KCNMA1: variants seen among roughly 807,000 people sequenced by gnomAD.
KCNMA1 encodes Calcium-activated potassium channel subunit alpha-1.
Under a neutral mutation model 140.0 loss-of-function variants are expected in KCNMA1, and 29 were observed. The ratio of observed to expected loss-of-function variants is 0.21; its 90% CI spans 0.15 to 0.28. KCNMA1 has a LOEUF of 0.28. Ranked by LOEUF, KCNMA1 falls within the 10% of genes least tolerant of loss-of-function variation. KCNMA1 has a pLI of 1.00. For missense variants in KCNMA1, 880 were observed against 1,602.2 expected (o/e 0.55, Z 7.70); for synonymous variants, 612 against 611.9 (o/e 1.00, Z 0.00).
intron 2 of KCNMA1, among the ~76,000 whole-genome samples, chr10:77,275,412 T>C (rs144082721): frequency 8.5e-5 from 13 of 152,272 alleles, no homozygotes; most frequent in Admixed American, 2.6e-4. Flanking sequence ...TCATTGAATG[T>C]TACTTTGAGA....
intron 1 of KCNMA1, among the ~76,000 whole-genome samples, chr10:77,630,219 C>T (rs538038270): frequency 6.6e-6 from 1 of 152,318 alleles, no homozygotes; most frequent in South Asian, 2.1e-4. Context: ...GGAGTGGTCC[C>T]CAGCCAGCCT....
chr10:77,237,804 A>G (rs1282880288), intron 3 of KCNMA1, among the ~76,000 whole-genome samples: 1 of 152,176 alleles, frequency 6.6e-6, no homozygotes, highest in Non-Finnish European at 1.5e-5. Flanking sequence ...GGCACAGATG[A>G]CAAATATGAA....
intron 12 of KCNMA1, among the ~76,000 whole-genome samples, chr10:77,081,606 C>T (rs1002563548): frequency 1.3e-5 from 2 of 152,132 alleles, no homozygotes; most frequent in Non-Finnish European, 2.9e-5. Flanking sequence ...CTGCAACGTA[C>T]GAATTTAGGA....
intron 2 of KCNMA1, among the ~76,000 whole-genome samples, chr10:77,372,289 T>TTCCCATC (rs2094790942): frequency 6.6e-6 from 1 of 152,188 alleles, no homozygotes; most frequent in Non-Finnish European, 1.5e-5. Flanking sequence ...CCCACGATTG[T>TTCCCATC]TCCCATCGCT....
At chr10:77,440,849 C>T (rs754572245) in intron 1 of KCNMA1, among the ~76,000 whole-genome samples, 6 of 152,136 alleles carry the variant, frequency 3.9e-5, no homozygotes, top group Admixed American at 2.0e-4. Flanking sequence ...GACAGAGTCT[C>T]ATTCTGTCGC....
chr10:77,175,199 C>A (rs2098742234), intron 5 of KCNMA1, among the ~76,000 whole-genome samples: 2 of 152,252 alleles, frequency 1.3e-5, no homozygotes, highest in Non-Finnish European at 2.9e-5. Flanking sequence ...ACTTTGAGAA[C>A]CACTGGTCTA....
At chr10:77,180,413 A>G (rs758055969) in intron 5 of KCNMA1, among the ~76,000 whole-genome samples, 4 of 152,240 alleles carry the variant, frequency 2.6e-5, no homozygotes, top group Non-Finnish European at 5.9e-5. Flanking sequence ...CAGGGAGATC[A>G]GTTTTAGATT....
chr10:77,385,184 G>A (rs192320780), intron 2 of KCNMA1, among the ~76,000 whole-genome samples: 1 of 152,236 alleles, frequency 6.6e-6, no homozygotes, highest in East Asian at 1.9e-4. Context: ...TTGAATTATT[G>A]ATTATTGAAT....
chr10:77,098,553 A>C (rs2096999434), intron 9 of KCNMA1, among the ~76,000 whole-genome samples: 1 of 151,232 alleles, frequency 6.6e-6, no homozygotes, highest in South Asian at 2.1e-4. Context: ...TTTCATTGGA[A>C]TCTCTAAGGT....
chr10:77,553,409 C>A (rs1022946683), intron 1 of KCNMA1, among the ~76,000 whole-genome samples: 1 of 152,134 alleles, frequency 6.6e-6, no homozygotes. Context: ...AAGGCAGGAA[C>A]CAGGCGCCGT....
At position 77,038,838 on chromosome 10, in the gene KCNMA1, G is replaced by A. The variant is rs570290205; in HGVS notation, c.1859+690C>T. ...TTGCAAACATGAGGATTCTAAGTGA[G>A]GAATCTGAGGCACTGTCATGCCTCA... On this transcript the variant is annotated intron_variant, in intron 15 of 27. Coordinates refer to ENST00000286628, the MANE Select transcript of KCNMA1 (RefSeq NM_001161352.2). 5.9e-5 allele frequency among the ~76,000 whole-genome samples: 9 copies of A among 152,322 alleles called. No individual in the cohort carries two copies. The South Asian group carries it at 1.9e-3, about 32-fold the overall frequency.
At chr10:77,432,725 G>T (rs926520313) in intron 1 of KCNMA1, among the ~76,000 whole-genome samples, 1 of 152,126 alleles carries the variant, frequency 6.6e-6, no homozygotes, top group Admixed American at 6.5e-5. Context: ...GCCATTTAAG[G>T]CTGGGACACT....
At chr10:76,925,603 A>G (rs2057437562) in intron 23 of KCNMA1, among the ~76,000 whole-genome samples, 1 of 152,172 alleles carries the variant, frequency 6.6e-6, no homozygotes, top group African/African-American at 2.4e-5. Context: ...AAAGTGATAG[A>G]TTGACTGAAA....
intron 2 of KCNMA1, among the ~76,000 whole-genome samples, chr10:77,277,331 A>T (rs1352771515): frequency 1.3e-5 from 2 of 152,300 alleles, no homozygotes; most frequent in East Asian, 3.9e-4. Flanking sequence ...ACTAATGCAA[A>T]ATGCAGAGGC....
At chr10:76,898,217 A>G (rs1176407275) in intron 25 of KCNMA1, among the ~76,000 whole-genome samples, 1 of 151,962 alleles carries the variant, frequency 6.6e-6, no homozygotes, top group Non-Finnish European at 1.5e-5. Context: ...AAGGGAAGAA[A>G]AAAAGTATAG....
intron 9 of KCNMA1, among the ~76,000 whole-genome samples, chr10:77,095,740 ACT>A (rs1292115062): frequency 6.6e-6 from 1 of 151,880 alleles, no homozygotes; most frequent in Non-Finnish European, 1.5e-5. Context: ...CAATCCTTCT[ACT>A]CTCTTCTCAG....
At chr10:77,585,400 G>C (rs1490264295) in intron 1 of KCNMA1, among the ~76,000 whole-genome samples, 1 of 152,202 alleles carries the variant, frequency 6.6e-6, no homozygotes, top group East Asian at 1.9e-4. Flanking sequence ...TATAATTAAA[G>C]ACAACATTTA....
intron 23 of KCNMA1, among the ~76,000 whole-genome samples, chr10:76,917,162 G>C (rs2053291526): frequency 6.6e-6 from 1 of 152,164 alleles, no homozygotes; most frequent in African/African-American, 2.4e-5. Context: ...TCAAAAACAT[G>C]AAAAACTGGA....
chr10:77,632,992 A>G (rs1230808511), intron 1 of KCNMA1, among the ~76,000 whole-genome samples: 1 of 152,210 alleles, frequency 6.6e-6, no homozygotes, highest in East Asian at 1.9e-4. Flanking sequence ...GCCTGATTGC[A>G]GAGTCTTGTA....
Sources: gnomAD v4.1 joint callset for allele counts (sites outside exome capture counted in the v4.1 genomes callset) on GRCh38, gnomAD v4.1.1 for gene constraint, MANE v1.5 for transcripts, NCBI Gene and HGNC (gene_info 2026-07-23, HGNC 2026-07-21) for gene names.